The following PCDH7 variants were observed in gnomAD, a reference collection of about 807,000 sequenced individuals.
The protein encoded by PCDH7 is protocadherin 7.
A neutral mutation model predicts 58.9 loss-of-function variants in PCDH7; 17 were observed. That is an observed-to-expected ratio of 0.29 (90% CI 0.20 to 0.43). The LOEUF (loss-of-function observed/expected upper bound fraction) is 0.43, where lower values mean the gene tolerates loss of function less well. Ranked by LOEUF, PCDH7 falls within the 20% of genes least tolerant of loss-of-function variation. The probability of loss-of-function intolerance (pLI) is 1.00; values close to 1 mark genes in which losing one functional copy is unlikely to be tolerated. For synonymous variants in PCDH7, 664 were observed against 616.4 expected (o/e 1.08, Z -1.14); for missense variants, 1,274 against 1,441.0 (o/e 0.88, Z 1.88).
intron 3 of PCDH7, among the ~76,000 whole-genome samples, chr4:31,118,895 C>T (rs1021617512): frequency 6.6e-6 from 1 of 151,990 alleles, no homozygotes; most frequent in East Asian, 1.9e-4. Context: ...AAATCGTAAA[C>T]CTCAATATAT....
At position 30,721,779 on chromosome 4, in the gene PCDH7, C is replaced by G; in HGVS notation, c.357C>G (p.Pro119=). The G allele has an allele frequency of 6.2e-7, 1 of 1,613,612 alleles. No individual in the cohort carries two copies. The highest frequency in any genetic ancestry group is 2.2e-5 in the East Asian group (1 of 44,832). Reference sequence around the variant, plus strand: ...ACTTCGAGGTGTCGGTGATCGGGCCCTCGCAGAGCTGGGTGGACCTGTTTG... The same window carrying G: ...ACTTCGAGGTGTCGGTGATCGGGCCGTCGCAGAGCTGGGTGGACCTGTTTG... The change falls in exon 1 of 2, where the codon CCC becomes CCG. Residue 119 remains proline (P), a synonymous_variant. Coordinates refer to ENST00000361762, the Ensembl canonical transcript of PCDH7. The surrounding 1 kb of genome is among the most constrained non-coding windows in gnomAD (Gnocchi z 6.7).
At chr4:30,786,173 C>A (rs1342395557) in intron 1 of PCDH7, among the ~76,000 whole-genome samples, 3 of 151,950 alleles carry the variant, frequency 2.0e-5, no homozygotes, top group Non-Finnish European at 4.4e-5. Flanking sequence ...ATTAGCAGGC[C>A]ATTTGTTGAT....
intron 3 of PCDH7, among the ~76,000 whole-genome samples, chr4:31,083,359 C>A (rs915287235): frequency 6.6e-6 from 1 of 151,978 alleles, no homozygotes; most frequent in African/African-American, 2.4e-5. Flanking sequence ...CTTGTGATAT[C>A]TTTTTCAAAA....
At chr4:30,859,812 A>G (rs1733971353) in intron 1 of PCDH7, among the ~76,000 whole-genome samples, 1 of 152,172 alleles carries the variant, frequency 6.6e-6, no homozygotes, top group Admixed American at 6.6e-5. Context: ...GAAGGAAACT[A>G]AAAGCCAACA....
intron 3 of PCDH7, among the ~76,000 whole-genome samples, chr4:31,041,115 A>C (rs1755825402): frequency 1.3e-5 from 2 of 152,156 alleles, no homozygotes; most frequent in African/African-American, 4.8e-5. Flanking sequence ...CAACTCTATA[A>C]GGGATTTAGT....
chr4:30,842,168 G>T (rs1036837847), intron 1 of PCDH7, among the ~76,000 whole-genome samples: 3 of 152,032 alleles, frequency 2.0e-5, no homozygotes, highest in African/African-American at 7.2e-5. Context: ...AATATGATAG[G>T]CAGAGGTATA....
At chr4:30,768,532 T>C (rs1376618750) in intron 1 of PCDH7, among the ~76,000 whole-genome samples, 1 of 152,190 alleles carries the variant, frequency 6.6e-6, no homozygotes, top group Non-Finnish European at 1.5e-5. Flanking sequence ...ATTAACCCCC[T>C]GTGATTCAGT....
intron 1 of PCDH7, among the ~76,000 whole-genome samples, chr4:30,900,269 G>A (rs1255492165): frequency 6.6e-6 from 1 of 152,166 alleles, no homozygotes; most frequent in Non-Finnish European, 1.5e-5. Context: ...AACATATGGT[G>A]TGAGCAAAGA....
intron 3 of PCDH7, among the ~76,000 whole-genome samples, chr4:30,974,195 TCTTTCC>T (rs1749852251): frequency 6.6e-6 from 1 of 151,580 alleles, no homozygotes; most frequent in African/African-American, 2.4e-5. Context: ...TTTCTCTTTC[TCTTTCC>T]CTCCCTTTCT....
chr4:30,765,119 C>T (rs1358881306), intron 1 of PCDH7, among the ~76,000 whole-genome samples: 2 of 51,934 alleles, frequency 3.9e-5, no homozygotes, highest in Admixed American at 4.9e-4. Context: ...GATAGGACTT[C>T]AGATGCTTTT....
At chr4:30,732,763 G>A (rs1419438737) in exon 2 of PCDH7, 2 of 151,744 alleles carry the variant, frequency 1.3e-5, no homozygotes, top group Non-Finnish European at 2.9e-5. Context: ...GGAAGTTATG[G>A]CTATTTACTA....
chr4:31,093,607 C>T (rs75263755), intron 3 of PCDH7, among the ~76,000 whole-genome samples: 3 of 151,816 alleles, frequency 2.0e-5, no homozygotes, highest in African/African-American at 4.8e-5. Context: ...CACACACACA[C>T]ATTACTTGAA....
At chr4:30,856,976 C>T (rs1276439756) in intron 1 of PCDH7, among the ~76,000 whole-genome samples, 3 of 151,462 alleles carry the variant, frequency 2.0e-5, no homozygotes, top group African/African-American at 4.8e-5. Flanking sequence ...TCAGGCATTT[C>T]GGTTATGAGA....
At chr4:30,936,002 C>T (rs796855352) in intron 2 of PCDH7, among the ~76,000 whole-genome samples, 5 of 152,008 alleles carry the variant, frequency 3.3e-5, no homozygotes, top group African/African-American at 9.6e-5. Flanking sequence ...TATTCACTCC[C>T]TCTTATAAAT....
intron 3 of PCDH7, among the ~76,000 whole-genome samples, chr4:31,124,013 C>T (rs530245809): frequency 1.3e-5 from 2 of 152,246 alleles, no homozygotes; most frequent in East Asian, 1.9e-4. Flanking sequence ...TGCCACTCTG[C>T]TTTTCTGCCA....
At chr4:30,878,256 G>A (rs1370316017) in intron 1 of PCDH7, among the ~76,000 whole-genome samples, 1 of 152,160 alleles carries the variant, frequency 6.6e-6, no homozygotes, top group African/African-American at 2.4e-5. Context: ...ATTTCAGTCA[G>A]TGGAGAGTAA....
At chr4:31,088,075 T>G (rs1249126855) in intron 3 of PCDH7, among the ~76,000 whole-genome samples, 1 of 152,060 alleles carries the variant, frequency 6.6e-6, no homozygotes, top group African/African-American at 2.4e-5. Context: ...TGATTCGAAA[T>G]TGGAACCCTT....
chr4:30,877,320 A>G lies in PCDH7; in HGVS notation c.71-42833A>G, dbSNP rs956767195. Among the ~76,000 whole-genome samples the G allele has an allele frequency of 1.2e-4, 19 of 152,232 alleles. 1 individual carries two copies. In the South Asian group the frequency reaches 3.5e-3, roughly 28 times the overall value. On this transcript the variant is annotated intron_variant, in intron 1 of 3. Coordinates refer to the PCDH7 transcript ENST00000509759. The stretch of plus-strand genomic sequence containing the variant: ...CTCTATCTGGTATCAAAATCCGAAA[A>G]TAATTAGGACAGAAATGTGAAAAGT...
intron 2 of PCDH7, among the ~76,000 whole-genome samples, chr4:30,944,401 G>A (rs1003734886): frequency 4.6e-5 from 7 of 151,940 alleles, no homozygotes; most frequent in East Asian, 1.9e-4. Context: ...TTTTAAAAGT[G>A]TTTTTATTTT....
Sources: gnomAD v4.1 joint callset for allele counts (sites outside exome capture counted in the v4.1 genomes callset) on GRCh38, gnomAD v4.1.1 for gene constraint, Gnocchi (gnomAD v3.1) non-coding constraint, MANE v1.5 for transcripts, NCBI Gene and HGNC (gene_info 2026-07-23, HGNC 2026-07-21) for gene names.